CADM2: variants seen among roughly 807,000 people sequenced by gnomAD.
The protein encoded by CADM2 is immunoglobulin superfamily member 4D.
Under a neutral mutation model 49.8 loss-of-function variants are expected in CADM2, and 12 were observed. The observed-to-expected ratio is 0.24, with a 90% CI of 0.15 to 0.39. The LOEUF (loss-of-function observed/expected upper bound fraction) is 0.39, where lower values mean the gene tolerates loss of function less well. Among genes scored for constraint, CADM2 ranks in the 10% least tolerant of loss-of-function variants. CADM2 has a pLI of 1.00. For synonymous variants in CADM2, 214 were observed against 175.4 expected, an observed-to-expected ratio of 1.22 and a Z score of -1.74; for missense variants, 378 against 492.3, an observed-to-expected ratio of 0.77 and a Z score of 2.20.
chr3:85,173,583 A>T (rs1576040272), intron 1 of CADM2, among the ~76,000 whole-genome samples: 1 of 152,170 alleles, frequency 6.6e-6, no homozygotes, highest in African/African-American at 2.4e-5. Flanking sequence ...AATCCTATAC[A>T]CGTATACAAG....
intron 8 of CADM2, among the ~76,000 whole-genome samples, chr3:86,015,600 CT>C (rs1432319861): frequency 6.6e-6 from 1 of 152,144 alleles, no homozygotes; most frequent in African/African-American, 2.4e-5. Flanking sequence ...CGGAGAAAAG[CT>C]TGTGAGCTCG....
At chr3:85,424,909 G>A (rs943046351) in intron 1 of CADM2, among the ~76,000 whole-genome samples, 1 of 151,836 alleles carries the variant, frequency 6.6e-6, no homozygotes, top group African/African-American at 2.4e-5. Context: ...TACTAGCCTT[G>A]ATATAATCAT....
chr3:85,641,786 C>A (rs1311361599), intron 1 of CADM2, among the ~76,000 whole-genome samples: 3 of 151,322 alleles, frequency 2.0e-5, no homozygotes. Flanking sequence ...AAAAAAATAG[C>A]CAGGTGTGGT....
At chr3:85,673,008 CT>C (rs2065786679) in intron 1 of CADM2, among the ~76,000 whole-genome samples, 1 of 152,124 alleles carries the variant, frequency 6.6e-6, no homozygotes, top group Non-Finnish European at 1.5e-5. Context: ...TATTTCTTGC[CT>C]GTCTGTTTAT....
intron 1 of CADM2, among the ~76,000 whole-genome samples, chr3:85,540,613 C>T (rs1247011762): frequency 1.3e-5 from 2 of 152,156 alleles, no homozygotes; most frequent in African/African-American, 4.8e-5. Flanking sequence ...TACAAACTCT[C>T]ACACTGAAAT....
chr3:85,135,780 C>G (rs2039400112), intron 1 of CADM2, among the ~76,000 whole-genome samples: 1 of 151,884 alleles, frequency 6.6e-6, no homozygotes, highest in Admixed American at 6.6e-5. Context: ...ATTTATACAT[C>G]CAGTTGTGTT....
intron 1 of CADM2, among the ~76,000 whole-genome samples, chr3:85,516,317 A>T (rs1329497334): frequency 6.6e-6 from 1 of 152,158 alleles, no homozygotes; most frequent in Admixed American, 6.6e-5. Context: ...TTGTTAGATT[A>T]TTTTATTGAT....
chr3:85,327,591 A>ACAC (rs1559781504), intron 1 of CADM2, among the ~76,000 whole-genome samples: 5,272 of 126,908 alleles, frequency 0.042, 248 homozygotes, highest in African/African-American at 0.15. Flanking sequence ...CACACACACC[A>ACAC]CACACACACA....
chr3:85,844,041 C>T (rs992764790), intron 3 of CADM2, among the ~76,000 whole-genome samples: 1 of 152,062 alleles, frequency 6.6e-6, no homozygotes, highest in Admixed American at 6.6e-5. Context: ...TTCATAGCCG[C>T]ATCTCATCTG....
At chr3:85,138,080 T>A (rs12491943) in intron 1 of CADM2, among the ~76,000 whole-genome samples, 4,637 of 152,202 alleles carry the variant, frequency 0.03, 102 homozygotes, top group South Asian at 0.043. Flanking sequence ...TTATAGTTCA[T>A]AGGACAGAGT....
intron 1 of CADM2, among the ~76,000 whole-genome samples, chr3:85,348,307 G>C (rs2030977235): frequency 6.6e-6 from 1 of 152,136 alleles, no homozygotes; most frequent in African/African-American, 2.4e-5. Flanking sequence ...AGGCTCACCT[G>C]CATTATGAAA....
chr3:85,769,299 CACGTATAT>C (rs1395318677), intron 2 of CADM2, among the ~76,000 whole-genome samples: 1 of 116,866 alleles, frequency 8.6e-6, no homozygotes, highest in African/African-American at 3.9e-5. Context: ...AGTATATATA[CACGTATAT>C]ACATATATAC....
chr3:85,489,161 C>T (rs2039557444), intron 1 of CADM2, among the ~76,000 whole-genome samples: 1 of 152,062 alleles, frequency 6.6e-6, no homozygotes, highest in Non-Finnish European at 1.5e-5. Flanking sequence ...TAAACTTTAT[C>T]TTACTTCAAA....
At chr3:85,151,650 T>A (rs1239796518) in intron 1 of CADM2, among the ~76,000 whole-genome samples, 1 of 152,204 alleles carries the variant, frequency 6.6e-6, no homozygotes, top group Non-Finnish European at 1.5e-5. Flanking sequence ...TTATGGTTGC[T>A]TTAATCAGTT....
At chr3:85,895,184 T>G (rs1446896691) in intron 5 of CADM2, among the ~76,000 whole-genome samples, 1 of 152,182 alleles carries the variant, frequency 6.6e-6, no homozygotes, top group Admixed American at 6.5e-5. Flanking sequence ...CATATCCATC[T>G]GGGTGCAGCT....
rs1553727390 is a variant in CADM2, at chr3:85,471,687, C to CATTTCATTTTATTTTATTTT, written c.62-254831_62-254830insCATTTTATTTTATTTTATTT. Among the ~76,000 whole-genome samples, 93 of 143,402 alleles carry CATTTCATTTTATTTTATTTT rather than the reference C, an allele frequency of 6.5e-4. 1 individual carries two copies. Among genetic ancestry groups the CATTTCATTTTATTTTATTTT allele is most frequent in the African/African-American group, 2.2e-3 (88 of 39,276 alleles). 94.1% of individuals were successfully genotyped at this position (143,402 alleles called of 152,430 possible). ...TTGTTTTTCCTGGTTATATTTTTAG[C>CATTTCATTTTATTTTATTTT]ATTTTATTTTATTTTATTTTATTTT... is the stretch of plus-strand genomic sequence containing the variant. On this transcript the variant is annotated intron_variant, in intron 1 of 9. Coordinates refer to ENST00000383699, the MANE Select transcript of CADM2 (RefSeq NM_001167675.2).
At chr3:85,420,195 G>T (rs2036104533) in intron 1 of CADM2, among the ~76,000 whole-genome samples, 2 of 152,128 alleles carry the variant, frequency 1.3e-5, no homozygotes, top group Admixed American at 1.3e-4. Flanking sequence ...CATTCTACAT[G>T]TTTACACTGA....
At chr3:85,877,401 A>T (rs1712037852) in intron 3 of CADM2, among the ~76,000 whole-genome samples, 1 of 152,114 alleles carries the variant, frequency 6.6e-6, no homozygotes. Flanking sequence ...TAAAAGATTG[A>T]ATTCATTTCC....
rs73128748 is a variant in CADM2 at position 85,174,077 on chromosome 3, G to T, written c.61+214409G>T. 5.9e-3 allele frequency among the ~76,000 whole-genome samples: 891 copies of T among 152,132 alleles called. 8 individuals carry two copies. The highest frequency in any genetic ancestry group is 8.2e-3 in the Non-Finnish European group (555 of 67,984). On this transcript the variant is annotated intron_variant, in intron 1 of 9. Coordinates refer to ENST00000383699, the MANE Select transcript of CADM2 (RefSeq NM_001167675.2). ...GATTCTCTTGTTTATCTTTGAAAAT[G>T]CACAGTGGGCTCACTCTGTTCCAGC...
Sources: allele counts gnomAD v4.1 joint callset (sites outside exome capture counted in the v4.1 genomes callset), GRCh38; gene constraint gnomAD v4.1.1; transcripts MANE v1.5; gene names NCBI Gene and HGNC (gene_info 2026-07-23, HGNC 2026-07-21).